Variants in LMAN2L observed in about 807,000 individuals in gnomAD.
LMAN2L encodes VIP36-like protein.
A neutral mutation model predicts 44.3 loss-of-function variants in LMAN2L; 30 were observed. That is an observed-to-expected ratio of 0.68 (90% CI 0.51 to 0.92). The LOEUF is 0.92. Ranked by LOEUF, LMAN2L falls within the 40% of genes least tolerant of loss-of-function variation. LMAN2L has a pLI of 0.00. For synonymous variants in LMAN2L, 183 were observed against 171.1 expected (o/e 1.07, Z -0.54); for missense variants, 429 against 446.1 (o/e 0.96, Z 0.35).
intron 4 of LMAN2L, among the ~76,000 whole-genome samples, chr2:96,730,458 T>C (rs1472841013): frequency 6.6e-6 from 1 of 152,020 alleles, no homozygotes; most frequent in African/African-American, 2.4e-5. Flanking sequence ...CTGCTCTGGC[T>C]CTCATCTAAA....
chr2:96,735,231 T>C (rs1476126684), intron 2 of LMAN2L, among the ~76,000 whole-genome samples: 2 of 152,134 alleles, frequency 1.3e-5, no homozygotes, highest in African/African-American at 4.8e-5. Flanking sequence ...CCAGAGTGGG[T>C]AGTTGATTTA....
chr2:96,712,154 T>C (rs896503845), intron 4 of LMAN2L, 129 bp from the exon 5 acceptor site: 28 of 847,110 alleles, frequency 3.3e-5, no homozygotes, highest in African/African-American at 5.1e-5. Context: ...CTCGACCTCA[T>C]TGTCAGCAGC....
Position 96,708,106 on chromosome 2 carries a change from T to C in LMAN2L, c.785-273A>G, listed in dbSNP as rs1469575298. Among the ~76,000 whole-genome samples the C allele has an allele frequency of 1.3e-5, 2 of 152,154 alleles. No individual in the cohort carries two copies. Among genetic ancestry groups the C allele is most frequent in the Non-Finnish European group, 2.9e-5 (2 of 67,980 alleles). Reference sequence around the variant, plus strand: ...TTCGACTTACAATTTTCCAACTTTATGATGGTGTGAAAGTAATCTGCGCTT... The same window carrying C: ...TTCGACTTACAATTTTCCAACTTTACGATGGTGTGAAAGTAATCTGCGCTT... On this transcript the variant is annotated intron_variant, in intron 6 of 7. Transcript: ENST00000264963.
At position 96,706,830 on chromosome 2, in the gene LMAN2L, G is replaced by A. The variant is rs1038917138; in HGVS notation, c.*426C>T. 10 of 152,820 alleles carry A rather than the reference G, an allele frequency of 6.5e-5. No homozygotes were observed. Among genetic ancestry groups the A allele is most frequent in the African/African-American group, 2.2e-4 (9 of 41,492 alleles). 9.5% of individuals were successfully genotyped at this position (152,820 alleles called of 1,614,324 possible). Reference sequence around the variant, plus strand: ...GGTTGGGTCAAATGCAAAACCCAACGAATGGATGGTCAGAAAGCCTGTGGT... The same window carrying A: ...GGTTGGGTCAAATGCAAAACCCAACAAATGGATGGTCAGAAAGCCTGTGGT... On this transcript the variant is annotated 3_prime_UTR_variant, in exon 8 of 8. Transcript: ENST00000264963.
At chr2:96,736,072 G>T (rs1377118187) in intron 2 of LMAN2L, among the ~76,000 whole-genome samples, 1 of 152,154 alleles carries the variant, frequency 6.6e-6, no homozygotes, top group African/African-American at 2.4e-5. Flanking sequence ...CTGCCAGGAG[G>T]TAGGTATTAT....
intron 2 of LMAN2L, among the ~76,000 whole-genome samples, chr2:96,736,713 T>C (rs2078523293): frequency 6.6e-6 from 1 of 152,232 alleles, no homozygotes; most frequent in Non-Finnish European, 1.5e-5. Flanking sequence ...CTGAAGCTCA[T>C]TTATCAGATA....
Position 96,711,868 on chromosome 2 carries a change from A to C in LMAN2L, c.665T>G (p.Leu222Trp). The C allele has an allele frequency of 3.7e-6, 6 of 1,614,216 alleles. No individual in the cohort carries two copies. The highest frequency in any genetic ancestry group is 5.1e-6 in the Non-Finnish European group (6 of 1,180,038). Residue 222 changes from leucine (L) to tryptophan (W), a missense_variant, in exon 5 of 8, where the codon TTG (leucine) becomes TGG (tryptophan). Leu to Trp is a moderately conservative substitution (Grantham distance 61, BLOSUM62 -2). Coordinates refer to ENST00000264963, the MANE Select transcript of LMAN2L (RefSeq NM_030805.4). ...FLVIRYVKRH[L>W]TIMMDIDGKH... ...GTCCAGGACAAGGACTCTCACCGTC[A>C]AATGCCTCTTGACGTAGCGAATCAC...
intron 1 of LMAN2L, among the ~76,000 whole-genome samples, chr2:96,738,714 A>G (rs867845510): frequency 6.6e-6 from 1 of 151,776 alleles, no homozygotes; most frequent in South Asian, 2.1e-4. Context: ...TTTGACCCTC[A>G]GGCCTCCGGG....
At position 96,711,779 on chromosome 2, in the gene LMAN2L, A is replaced by C. The variant is rs772370844; in HGVS notation, c.670-9T>G. ...TCAATATCCATCATTATCTAGAATAAAAAGAGAGATAAATCAGGGTCAGGC... is the reference window on the plus strand; with the variant it reads ...TCAATATCCATCATTATCTAGAATACAAAGAGAGATAAATCAGGGTCAGGC... On this transcript the variant is annotated splice_polypyrimidine_tract_variant and intron_variant, in intron 5 of 7. Coordinates refer to ENST00000264963, the MANE Select transcript of LMAN2L (RefSeq NM_030805.4). 6.2e-7 allele frequency: 1 copy of C among 1,613,334 alleles called. No individual in the cohort carries two copies. The highest frequency in any genetic ancestry group is 2.2e-5 in the East Asian group (1 of 44,874).
chr2:96,738,605 G>A (rs2078565761), intron 1 of LMAN2L, among the ~76,000 whole-genome samples: 3 of 152,140 alleles, frequency 2.0e-5, no homozygotes, highest in Non-Finnish European at 4.4e-5. Context: ...GAGCCCAGGA[G>A]ATTGAAACTG....
rs1028008100 is a variant in LMAN2L at position 96,739,995 on chromosome 2, G to T, written c.46C>A (p.Arg16=). 7.4e-6 allele frequency: 12 copies of T among 1,613,318 alleles called. No homozygotes were observed. The Middle Eastern group carries it at 1.5e-3, about 200-fold the overall frequency. ...GPLGSWQQWR[R]CLSARDGSRM... is the part of the protein sequence containing the mutation. The stretch of plus-strand genomic sequence containing the variant: ...GACCCATCCCGAGCCGACAAACATC[G>T]CCGCCACTGCTGCCACGACCCAAGG... The change falls in exon 1 of 8, where the codon CGA becomes AGA. Residue 16 remains arginine, a synonymous_variant. Coordinates refer to ENST00000264963, the MANE Select transcript of LMAN2L (RefSeq NM_030805.4).
At chr2:96,718,753 C>T (rs1024824778) in intron 4 of LMAN2L, among the ~76,000 whole-genome samples, 2 of 152,140 alleles carry the variant, frequency 1.3e-5, no homozygotes, top group Non-Finnish European at 1.5e-5. Flanking sequence ...CAGTGAGATT[C>T]GTTACACATT....
At chr2:96,709,645 A>G (rs1327616031) in intron 6 of LMAN2L, among the ~76,000 whole-genome samples, 1 of 152,262 alleles carries the variant, frequency 6.6e-6, no homozygotes, top group Non-Finnish European at 1.5e-5. Flanking sequence ...GGGACAGGAT[A>G]AAAGGCCAGG....
At chr2:96,738,922 C>T (rs1368814073) in intron 1 of LMAN2L, among the ~76,000 whole-genome samples, 1 of 152,056 alleles carries the variant, frequency 6.6e-6, no homozygotes, top group Non-Finnish European at 1.5e-5. Flanking sequence ...TTTGTATTTT[C>T]AGCAGAGATG....
At chr2:96,709,666 T>A (rs1011670553) in intron 6 of LMAN2L, among the ~76,000 whole-genome samples, 6 of 152,242 alleles carry the variant, frequency 3.9e-5, no homozygotes, top group African/African-American at 1.2e-4. Context: ...GCAATGCTCC[T>A]CATGCAATGC....
chr2:96,719,583 A>C (rs1318972552), intron 4 of LMAN2L, among the ~76,000 whole-genome samples: 1 of 150,594 alleles, frequency 6.6e-6, no homozygotes, highest in African/African-American at 2.5e-5. Flanking sequence ...CCGTATCTCT[A>C]CAAAAAAAAA....
intron 1 of LMAN2L, among the ~76,000 whole-genome samples, chr2:96,739,036 A>G (rs751991244): frequency 6.6e-6 from 1 of 152,116 alleles, no homozygotes; most frequent in Non-Finnish European, 1.5e-5. Flanking sequence ...CCACCGCCCC[A>G]GCCGTCACAT....
intron 2 of LMAN2L, chr2:96,737,295 T>A (rs1416479369): frequency 2.7e-6 from 1 of 371,938 alleles, no homozygotes; most frequent in East Asian, 8.4e-5. Context: ...AAATTTTATA[T>A]CAGACTCTTC....
chr2:96,726,540 TG>T (rs2078275839), intron 4 of LMAN2L, among the ~76,000 whole-genome samples: 1 of 152,122 alleles, frequency 6.6e-6, no homozygotes. Context: ...CCCAGCACTT[TG>T]GGCGGCCGAG....
Sources: gnomAD v4.1 joint callset for allele counts (sites outside exome capture counted in the v4.1 genomes callset) on GRCh38, gnomAD v4.1.1 for gene constraint, MANE v1.5 for transcripts, NCBI Gene and HGNC (gene_info 2026-07-23, HGNC 2026-07-21) for gene names.